Variants in SGCD observed in about 807,000 individuals in gnomAD.
SGCD encodes delta-sarcoglycan.
A neutral mutation model predicts 36.6 loss-of-function variants in SGCD; 18 were observed. That is an observed-to-expected ratio of 0.49 (90% CI 0.34 to 0.73). SGCD has a LOEUF of 0.73. Ranked by LOEUF, SGCD falls within the 30% of genes least tolerant of loss-of-function variation. The pLI, the probability that SGCD is intolerant of heterozygous loss-of-function variation, is 0.01. For synonymous variants in SGCD, 133 were observed against 130.6 expected (o/e 1.02, Z -0.12); for missense variants, 387 against 346.7 (o/e 1.12, Z -0.92).
intron 6 of SGCD, among the ~76,000 whole-genome samples, chr5:156,615,157 A>T (rs1158939650): frequency 6.6e-6 from 1 of 152,238 alleles, no homozygotes; most frequent in Non-Finnish European, 1.5e-5. Context: ...GGTAAGCAAC[A>T]TAAAGGCCAG....
chr5:156,253,281 A>G (rs1765629466), intron 3 of SGCD, among the ~76,000 whole-genome samples: 1 of 152,140 alleles, frequency 6.6e-6, no homozygotes, highest in Admixed American at 6.5e-5. Flanking sequence ...ACGAGTCTCC[A>G]TCTCTTTGCA....
intron 1 of SGCD, among the ~76,000 whole-genome samples, chr5:155,960,130 C>T (rs1757761730): frequency 6.6e-6 from 1 of 152,020 alleles, no homozygotes; most frequent in Non-Finnish European, 1.5e-5. Context: ...CCTCCTTTTT[C>T]TTCTCCCTCC....
At chr5:155,914,166 T>C (rs1025017123) in intron 1 of SGCD, among the ~76,000 whole-genome samples, 10 of 152,206 alleles carry the variant, frequency 6.6e-5, no homozygotes, top group Middle Eastern at 3.4e-3. Flanking sequence ...CAGTGTTGTG[T>C]CTTGAATTAT....
At chr5:156,592,913 G>A (rs1760779851) in intron 5 of SGCD, among the ~76,000 whole-genome samples, 1 of 152,158 alleles carries the variant, frequency 6.6e-6, no homozygotes, top group Non-Finnish European at 1.5e-5. Flanking sequence ...TAAGGAGAGT[G>A]CACTAATAAG....
At chr5:156,463,056 A>G (rs1373072524) in intron 3 of SGCD, among the ~76,000 whole-genome samples, 2 of 152,226 alleles carry the variant, frequency 1.3e-5, no homozygotes, top group Admixed American at 6.5e-5. Flanking sequence ...CAATTTGGAA[A>G]GATTGTAATG....
chr5:155,887,735 A>G (rs1756041112), intron 1 of SGCD, among the ~76,000 whole-genome samples: 1 of 152,190 alleles, frequency 6.6e-6, no homozygotes, highest in Non-Finnish European at 1.5e-5. Context: ...ATCTCTGTTA[A>G]TGGTATCATC....
chr5:156,634,160 G>A (rs1285250607), intron 6 of SGCD, among the ~76,000 whole-genome samples: 1 of 150,404 alleles, frequency 6.6e-6, no homozygotes, highest in African/African-American at 2.4e-5. Context: ...AAGGTTAGGT[G>A]TTTACAGATG....
chr5:156,491,567 A>G (rs952682074), intron 3 of SGCD, among the ~76,000 whole-genome samples: 3 of 152,154 alleles, frequency 2.0e-5, no homozygotes, highest in African/African-American at 7.2e-5. Flanking sequence ...TCAAAATATT[A>G]TGTGCACTCC....
chr5:156,701,931 A>G (rs1472210632), intron 7 of SGCD, among the ~76,000 whole-genome samples: 1 of 152,218 alleles, frequency 6.6e-6, no homozygotes, highest in Non-Finnish European at 1.5e-5. Context: ...ATGAGAAGAT[A>G]TAACACACAA....
intron 6 of SGCD, among the ~76,000 whole-genome samples, chr5:156,605,743 A>G (rs1761413366): frequency 6.6e-6 from 1 of 152,180 alleles, no homozygotes; most frequent in Non-Finnish European, 1.5e-5. Context: ...CCACCATTCT[A>G]ACTTGTGTGA....
chr5:156,097,413 G>T (rs1370749718), intron 1 of SGCD, among the ~76,000 whole-genome samples: 1 of 151,720 alleles, frequency 6.6e-6, no homozygotes, highest in African/African-American at 2.4e-5. Context: ...TTATTTTCCG[G>T]TCTATTCTTT....
At chr5:156,413,281 G>A (rs1046656766) in intron 3 of SGCD, among the ~76,000 whole-genome samples, 1 of 152,222 alleles carries the variant, frequency 6.6e-6, no homozygotes, top group Admixed American at 6.5e-5. Flanking sequence ...GGCATCCTGG[G>A]AGGAGTGACA....
chr5:156,654,616 AT>A (rs1763601624), intron 7 of SGCD, among the ~76,000 whole-genome samples: 1 of 152,070 alleles, frequency 6.6e-6, no homozygotes, highest in Non-Finnish European at 1.5e-5. Context: ...AGGGTGTCAT[AT>A]TTTGAGGTAT....
chr5:156,546,954 C>T (rs1376746010), intron 4 of SGCD, among the ~76,000 whole-genome samples: 1 of 152,132 alleles, frequency 6.6e-6, no homozygotes, highest in South Asian at 2.1e-4. Flanking sequence ...AAGTAATACA[C>T]TGGATTTCAA....
the SGCD span, among the ~76,000 whole-genome samples, chr5:155,781,119 C>T: frequency 7.2e-5 from 11 of 152,290 alleles, 1 homozygote; most frequent in East Asian, 2.1e-3. Context: ...TAGACATCAT[C>T]TGGCCTGATC....
chr5:155,774,771 C>T, the SGCD span, among the ~76,000 whole-genome samples: 1 of 152,142 alleles, frequency 6.6e-6, no homozygotes, highest in African/African-American at 2.4e-5. Context: ...ACCTCAAGGT[C>T]CTTAACTTGA....
chr5:156,021,166 A>C (rs1759087830), intron 1 of SGCD, among the ~76,000 whole-genome samples: 1 of 152,212 alleles, frequency 6.6e-6, no homozygotes, highest in South Asian at 2.1e-4. Context: ...TTTTTAATAC[A>C]TTCTCACCAT....
chr5:155,741,377 C>T, the SGCD span, among the ~76,000 whole-genome samples: 4 of 152,102 alleles, frequency 2.6e-5, no homozygotes, highest in Non-Finnish European at 4.4e-5. Context: ...TGGATTTTTC[C>T]CTGTAAGAGA....
intron 1 of SGCD, among the ~76,000 whole-genome samples, chr5:155,872,915 G>A (rs1009090703): frequency 8.5e-5 from 13 of 152,168 alleles, no homozygotes; most frequent in African/African-American, 3.1e-4. Context: ...AACTTCGTGT[G>A]TTAAAAAAAT....
Sources: gnomAD v4.1 joint callset for allele counts (sites outside exome capture counted in the v4.1 genomes callset) on GRCh38, gnomAD v4.1.1 for gene constraint, MANE v1.5 for transcripts, NCBI Gene and HGNC (gene_info 2026-07-23, HGNC 2026-07-21) for gene names.